Variants in GRID1 observed in about 807,000 individuals in gnomAD.
GRID1 encodes glutamate receptor ionotropic, delta-1.
A neutral mutation model predicts 98.0 loss-of-function variants in GRID1; 28 were observed. The ratio of observed to expected loss-of-function variants is 0.29; its 90% CI spans 0.21 to 0.39. The LOEUF (loss-of-function observed/expected upper bound fraction) is 0.39, where lower values mean the gene tolerates loss of function less well. GRID1 is among the 10% of genes least tolerant of loss of function. GRID1 has a pLI of 1.00. For synonymous variants in GRID1, 553 were observed against 538.5 expected, an observed-to-expected ratio of 1.03 and a Z score of -0.37; for missense variants, 1,111 against 1,340.5, an observed-to-expected ratio of 0.83 and a Z score of 2.67.
intron 2 of GRID1, among the ~76,000 whole-genome samples, chr10:86,299,152 G>A (rs933197578): frequency 6.6e-6 from 1 of 150,868 alleles, no homozygotes; most frequent in African/African-American, 2.4e-5. Context: ...GTTCCATGTG[G>A]TACTGCAGGA....
rs1173106444 is a variant in GRID1, at chr10:85,854,538, A to G, written c.1191T>C (p.Leu397=). 6.2e-7 allele frequency: 1 copy of G among 1,613,780 alleles called. No homozygotes were observed. The highest frequency in any genetic ancestry group is 1.3e-5 in the African/African-American group (1 of 75,064). Residue 397 remains leucine, a synonymous_variant, in exon 8 of 16, where the codon CTT becomes CTC. Transcript: ENST00000327946. ...CAAAAGTCTCACTATAGGTAGTGCC[A>G]AGGATTTCAAACTGGACATAGGGAT... ...SSNPYVQFEI[L]GTTYSETFGK...
At chr10:85,833,524 CAAAA>C (rs113962227) in intron 8 of GRID1, among the ~76,000 whole-genome samples, 1 of 103,882 alleles carries the variant, frequency 9.6e-6, no homozygotes. Flanking sequence ...TAACTCCCAA[CAAAA>C]AAAAAAAAAA....
intron 2 of GRID1, among the ~76,000 whole-genome samples, chr10:86,255,771 C>A (rs1330426874): frequency 6.6e-6 from 1 of 152,180 alleles, no homozygotes; most frequent in Non-Finnish European, 1.5e-5. Context: ...CGTGCACTCA[C>A]TTGTGCTGGG....
chr10:85,971,766 T>A (rs1842410923), intron 4 of GRID1, among the ~76,000 whole-genome samples: 1 of 152,130 alleles, frequency 6.6e-6, no homozygotes, highest in African/African-American at 2.4e-5. Context: ...TGCAATCATT[T>A]TGGGATAATG....
intron 2 of GRID1, among the ~76,000 whole-genome samples, chr10:86,276,889 A>G (rs567824552): frequency 3.3e-5 from 5 of 152,194 alleles, no homozygotes; most frequent in Non-Finnish European, 5.9e-5. Flanking sequence ...AAAAAACTCA[A>G]GAGTTCTAAA....
rs1554857296 is a variant in GRID1 at position 85,599,802 on chromosome 10, A to ATATATATATATATATATAT, written c.*2470_*2471insATATATATATATATATATA. The stretch of plus-strand genomic sequence containing the variant: ...GTAGAAAATTCTAAAAAAAAAAAAA[A>ATATATATATATATATATAT]ATATATATATATATATATAAACATG... On this transcript the variant is annotated 3_prime_UTR_variant, in exon 16 of 16. Coordinates refer to ENST00000327946, the MANE Select transcript of GRID1 (RefSeq NM_017551.3). 3.1e-5 allele frequency: 2 copies of ATATATATATATATATATAT among 65,000 alleles called. No individual in the cohort carries two copies. Among genetic ancestry groups the ATATATATATATATATATAT allele is most frequent in the African/African-American group, 1.9e-4 (2 of 10,730 alleles). The allele number at this position is 65,000 out of a possible 1,614,324, so 4.0% of individuals were successfully genotyped here. A position where few individuals can be genotyped will look rare whatever the true frequency, so the allele number is the denominator to read the frequency against.
At chr10:85,767,540 G>A (rs1842209659) in intron 8 of GRID1, among the ~76,000 whole-genome samples, 1 of 152,196 alleles carries the variant, frequency 6.6e-6, no homozygotes, top group African/African-American at 2.4e-5. Flanking sequence ...AATACGACCT[G>A]AAAGTTCTGA....
chr10:86,246,961 A>C (rs1331654801), intron 2 of GRID1, among the ~76,000 whole-genome samples: 1 of 152,246 alleles, frequency 6.6e-6, no homozygotes, highest in Non-Finnish European at 1.5e-5. Context: ...CATAAGAATG[A>C]CTGATGTCTC....
intron 4 of GRID1, among the ~76,000 whole-genome samples, chr10:86,109,611 T>C (rs554577913): frequency 6.6e-6 from 1 of 152,200 alleles, no homozygotes; most frequent in Non-Finnish European, 1.5e-5. Context: ...GGACATAGCA[T>C]GATAGTCAGG....
intron 8 of GRID1, among the ~76,000 whole-genome samples, chr10:85,841,086 C>T (rs1242042378): frequency 1.3e-5 from 2 of 152,116 alleles, no homozygotes; most frequent in African/African-American, 4.8e-5. Flanking sequence ...CTACTTCAAA[C>T]CATACTATAC....
intron 8 of GRID1, among the ~76,000 whole-genome samples, chr10:85,818,426 C>T (rs1160723221): frequency 1.3e-5 from 2 of 152,094 alleles, no homozygotes. Flanking sequence ...TCACTTTGTC[C>T]ATTAAAAGGT....
intron 2 of GRID1, among the ~76,000 whole-genome samples, chr10:86,237,049 C>G (rs966608532): frequency 6.6e-6 from 1 of 152,124 alleles, no homozygotes; most frequent in Non-Finnish European, 1.5e-5. Context: ...TCCTTCCCCT[C>G]AGAGACCCAA....
intron 3 of GRID1, among the ~76,000 whole-genome samples, chr10:86,148,944 C>T (rs1845123757): frequency 6.6e-6 from 1 of 152,176 alleles, no homozygotes; most frequent in Non-Finnish European, 1.5e-5. Context: ...ACCCCACCTT[C>T]CTCCTAGGAG....
intron 4 of GRID1, among the ~76,000 whole-genome samples, chr10:85,989,519 C>T (rs12784735): frequency 0.19 from 29,554 of 152,122 alleles, 3,216 homozygotes; most frequent in Middle Eastern, 0.26. Context: ...ACCTGAGCTC[C>T]GCCCCCTGTT....
At chr10:85,675,242 G>A (rs1295881582) in intron 12 of GRID1, among the ~76,000 whole-genome samples, 1 of 152,198 alleles carries the variant, frequency 6.6e-6, no homozygotes, top group Non-Finnish European at 1.5e-5. Context: ...ATGCAGCCAG[G>A]AGGGATTGAT....
intron 4 of GRID1, among the ~76,000 whole-genome samples, chr10:86,051,909 C>A (rs1843507812): frequency 6.6e-6 from 1 of 152,176 alleles, no homozygotes. Context: ...ATGCAAAAAT[C>A]CTTTCACTCT....
intron 3 of GRID1, among the ~76,000 whole-genome samples, chr10:86,198,844 G>A (rs957618292): frequency 6.6e-6 from 1 of 152,058 alleles, no homozygotes; most frequent in Non-Finnish European, 1.5e-5. Context: ...GAAGAATGTT[G>A]GTTCCTACCA....
At chr10:85,626,179 A>G (rs1411721550) in intron 13 of GRID1, among the ~76,000 whole-genome samples, 1 of 152,214 alleles carries the variant, frequency 6.6e-6, no homozygotes, top group Non-Finnish European at 1.5e-5. Context: ...TTTTATCCAT[A>G]TAATACTTCT....
intron 2 of GRID1, among the ~76,000 whole-genome samples, chr10:86,329,239 T>C (rs1848102452): frequency 6.6e-6 from 1 of 152,228 alleles, no homozygotes; most frequent in Non-Finnish European, 1.5e-5. Context: ...CAGACATGCA[T>C]GCTGCCTGCT....
Sources: allele counts gnomAD v4.1 joint callset (sites outside exome capture counted in the v4.1 genomes callset), GRCh38; gene constraint gnomAD v4.1.1; transcripts MANE v1.5; gene names NCBI Gene and HGNC (gene_info 2026-07-23, HGNC 2026-07-21).